TCF20: variants seen among roughly 807,000 people sequenced by gnomAD.
TCF20 encodes the protein SPRE-binding protein.
In TCF20, 3 loss-of-function variants were observed where a neutral mutation model predicts 148.6. That is an observed-to-expected ratio of 0.02 (90% confidence interval 0.01 to 0.05). The LOEUF is 0.05. TCF20 is among the 10% of genes least tolerant of loss of function. TCF20 has a pLI of 1.00. For synonymous variants in TCF20, 1,049 were observed against 909.5 expected (o/e 1.15, Z -2.76); for missense variants, 2,350 against 2,429.3 (o/e 0.97, Z 0.69).
At chr22:42,294,419 A>G (rs1319616853) in intron 1 of TCF20, among the ~76,000 whole-genome samples, 1 of 151,852 alleles carries the variant, frequency 6.6e-6, no homozygotes, top group Non-Finnish European at 1.5e-5. Context: ...AAGACTAAAG[A>G]CTCCAGGAGC....
Position 42,323,456 on chromosome 22 carries a change from T to A in TCF20, c.-37+20023A>T, listed in dbSNP as rs1324961319. Among the ~76,000 whole-genome samples, 3 of 151,618 alleles carry A rather than the reference T, an allele frequency of 2.0e-5. 1 individual carries two copies. The highest frequency in any genetic ancestry group is 7.3e-5 in the African/African-American group (3 of 41,348). On this transcript the variant is annotated intron_variant, in intron 1 of 1. Coordinates refer to the TCF20 transcript ENST00000515426. Reference sequence around the variant, plus strand: ...CACAGGGAAGGGGGCACCTGTCAGCTGAGGGAACAGGAGGACGGTGGAAGA... The same window carrying A: ...CACAGGGAAGGGGGCACCTGTCAGCAGAGGGAACAGGAGGACGGTGGAAGA...
chr22:42,207,769 T>C (rs914649448), intron 2 of TCF20, among the ~76,000 whole-genome samples: 2 of 152,128 alleles, frequency 1.3e-5, no homozygotes, highest in Non-Finnish European at 2.9e-5. Flanking sequence ...GAGCTGAGAT[T>C]GCGCCATTGC....
rs574867061 is a variant in TCF20 at position 42,213,591 on chromosome 22, T to C, written c.1715A>G (p.Asn572Ser). 2.4e-5 allele frequency: 39 copies of C among 1,614,128 alleles called. No individual in the cohort carries two copies. In the Middle Eastern group the frequency reaches 9.9e-4, roughly 41 times the overall value. Residue 572 changes from asparagine to serine, a missense_variant, in exon 2 of 6, where the codon AAT becomes AGT. By Grantham distance (46) the Asn-to-Ser change is conservative. Coordinates refer to ENST00000677622, the MANE Select transcript of TCF20 (RefSeq NM_001378418.1). ...QGAQNEPPRL[N>S]ASPAAREEAT... ...CTCTTCTCTTGCGGCAGGACTAGCA[T>C]TGAGTCTGGGGGGTTCATTCTGAGC...
Position 42,233,206 on chromosome 22 carries a change from G to A in TCF20, c.-36-17865C>T, listed in dbSNP as rs181877542. Among the ~76,000 whole-genome samples, 519 of 152,168 alleles carry A rather than the reference G, an allele frequency of 3.4e-3. 6 individuals carry two copies. The highest frequency in any genetic ancestry group is 5.4e-3 in the Non-Finnish European group (364 of 67,960). On this transcript the variant is annotated intron_variant, in intron 1 of 5. Coordinates refer to ENST00000677622, the MANE Select transcript of TCF20 (RefSeq NM_001378418.1). ...CAAAGTGCTAGGATTACAGGTGTGAGCCATCACACCCAGCTGCAATGCAAT... is the reference window on the plus strand; with the variant it reads ...CAAAGTGCTAGGATTACAGGTGTGAACCATCACACCCAGCTGCAATGCAAT...
intron 1 of TCF20, among the ~76,000 whole-genome samples, chr22:42,302,062 C>T (rs1431575029): frequency 1.3e-5 from 2 of 152,188 alleles, no homozygotes; most frequent in African/African-American, 4.8e-5. Flanking sequence ...CACCTCTTAG[C>T]CCAGAGCAAG....
At chr22:42,327,169 C>G (rs1264816433) in intron 1 of TCF20, among the ~76,000 whole-genome samples, 1 of 152,198 alleles carries the variant, frequency 6.6e-6, no homozygotes, top group African/African-American at 2.4e-5. Flanking sequence ...AGGGTTTACC[C>G]CAGGGCTGAG....
chr22:42,183,575 C>T (rs186360544), intron 2 of TCF20, among the ~76,000 whole-genome samples: 72 of 152,292 alleles, frequency 4.7e-4, no homozygotes, highest in Admixed American at 9.8e-4. Context: ...ATGTTCTCCC[C>T]TAAGACTCTG....
intron 1 of TCF20, among the ~76,000 whole-genome samples, chr22:42,217,483 A>G (rs1921931110): frequency 6.6e-6 from 1 of 152,156 alleles, no homozygotes; most frequent in Admixed American, 6.5e-5. Flanking sequence ...CTACTTGTTT[A>G]CTGTCTGTCT....
chr22:42,244,910 T>A (rs1319365594), intron 1 of TCF20, among the ~76,000 whole-genome samples: 1 of 143,392 alleles, frequency 7.0e-6, no homozygotes, highest in Non-Finnish European at 1.5e-5. Flanking sequence ...CGAAACCCCA[T>A]CTCTACAAAA....
chr22:42,315,560 T>G (rs1927614040), intron 1 of TCF20, among the ~76,000 whole-genome samples: 1 of 152,240 alleles, frequency 6.6e-6, no homozygotes, highest in Non-Finnish European at 1.5e-5. Context: ...GGCAAAGTCC[T>G]GGGCTGGCCA....
Position 42,160,730 on chromosome 22 carries a change from C to G in TCF20, c.*673G>C, listed in dbSNP as rs1935393756. On this transcript the variant is annotated 3_prime_UTR_variant, in exon 6 of 6. Transcript: ENST00000677622. ...AACATCATTCCCCTACTCTTGAAAA[C>G]ATGGACCATCCCTGTATTTCCCCCT... 1 of 152,032 alleles carries G rather than the reference C, an allele frequency of 6.6e-6. No homozygotes were observed. 9.4% of individuals were successfully genotyped at this position (152,032 alleles called of 1,614,324 possible). A position where few individuals can be genotyped will look rare whatever the true frequency, so the allele number is the denominator to read the frequency against.
rs199511192 is a variant in TCF20 at position 42,215,354 on chromosome 22, G to A, written c.-36-13C>T. 1.3e-6 allele frequency: 2 copies of A among 1,550,192 alleles called. No individual in the cohort carries two copies. The highest frequency in any genetic ancestry group is 2.7e-5 in the African/African-American group (2 of 72,882). ...GCCAACAGCCCTCCTAGAAATAGAA[G>A]AAAGAAAAACATTAGACACGCATCT... is the stretch of plus-strand genomic sequence containing the variant. On this transcript the variant is annotated splice_polypyrimidine_tract_variant and intron_variant, in intron 1 of 5. Coordinates refer to ENST00000677622, the MANE Select transcript of TCF20 (RefSeq NM_001378418.1).
intron 1 of TCF20, among the ~76,000 whole-genome samples, chr22:42,257,103 T>G (rs1422052253): frequency 6.6e-6 from 1 of 152,166 alleles, no homozygotes; most frequent in Non-Finnish European, 1.5e-5. Context: ...AAGGCTGCAG[T>G]GCGCCATGAC....
intron 1 of TCF20, among the ~76,000 whole-genome samples, chr22:42,247,066 A>G (rs1439323850): frequency 1.3e-5 from 2 of 152,010 alleles, no homozygotes; most frequent in Non-Finnish European, 2.9e-5. Context: ...GTCATGAAGG[A>G]AACATCCAGT....
intron 2 of TCF20, among the ~76,000 whole-genome samples, chr22:42,201,104 T>TCG (rs146440451): frequency 9.1e-4 from 138 of 152,334 alleles, no homozygotes; most frequent in African/African-American, 3.2e-3. Context: ...CGCACCTCAC[T>TCG]CTGTCTTGCT....
At chr22:42,183,788 T>TG (rs1348449465) in intron 2 of TCF20, among the ~76,000 whole-genome samples, 1 of 151,918 alleles carries the variant, frequency 6.6e-6, no homozygotes, top group Non-Finnish European at 1.5e-5. Flanking sequence ...TTTTTTTTTT[T>TG]TTTGATGGAG....
rs753580241 is a variant in TCF20 at position 42,210,608 on chromosome 22, T to C, written c.4698A>G (p.Ile1566Met). The C allele has an allele frequency of 6.2e-7, 1 of 1,614,166 alleles. No homozygotes were observed. The highest frequency in any genetic ancestry group is 1.1e-5 in the South Asian group (1 of 91,080). The part of the protein sequence containing the change: ...PPPPPPQPPQ[I>M]PEGSADGEPK... ...GCTCTCCATCTGCAGAACCTTCTGGTATCTGTGGGGGCTGAGGGGGTGGAG... is the reference window on the plus strand; with the variant it reads ...GCTCTCCATCTGCAGAACCTTCTGGCATCTGTGGGGGCTGAGGGGGTGGAG... Residue 1566 changes from isoleucine (I) to methionine (M), a missense_variant, in exon 2 of 6, where the codon ATA (isoleucine) becomes ATG (methionine). This residue lies in a region of TCF20 where 374 missense variants were observed against 398.3 expected (regional missense o/e 0.94). Coordinates refer to ENST00000677622, the MANE Select transcript of TCF20 (RefSeq NM_001378418.1). This position sits in a 1 kb window ranked among gnomAD's most constrained non-coding sequence, Gnocchi z 4.7.
intron 1 of TCF20, among the ~76,000 whole-genome samples, chr22:42,246,628 C>G (rs1924931514): frequency 6.6e-6 from 1 of 152,172 alleles, no homozygotes; most frequent in African/African-American, 2.4e-5. Context: ...ATACCATAAT[C>G]TTGCCCTCAG....
rs1920967005 is a variant in TCF20, at chr22:42,211,591, G to C, written c.3715C>G (p.Leu1239Val). The C allele has an allele frequency of 1.9e-6, 3 of 1,614,222 alleles. No homozygotes were observed. The East Asian group carries it at 6.7e-5, about 36-fold the overall frequency. Residue 1239 changes from leucine to valine, a missense_variant, in exon 2 of 6, where the codon CTT (leucine) becomes GTT (valine). Physicochemically the swap from Leu to Val is conservative, Grantham distance 32. Around this residue, in one of 7 missense-constraint regions of TCF20, gnomAD observed 1,641 missense variants for 1,662.6 expected, o/e 0.99. Coordinates refer to ENST00000677622, the MANE Select transcript of TCF20 (RefSeq NM_001378418.1). ...GAAGAATGATCCTCCTGGCCTGGAA[G>C]TCTCAGCATAACACTACCAGGTTTG... ...SSKPGSVMLR[L>V]PGQEDHSSQN... is the part of the protein sequence containing the mutation.
Sources: allele counts gnomAD v4.1 joint callset (sites outside exome capture counted in the v4.1 genomes callset), GRCh38; gene constraint gnomAD v4.1.1; regional missense constraint gnomAD v4.1.1; non-coding constraint Gnocchi (gnomAD v3.1); transcripts MANE v1.5; gene names NCBI Gene and HGNC (gene_info 2026-07-23, HGNC 2026-07-21).